The following RBM26 variants were observed in gnomAD, a reference collection of about 807,000 sequenced individuals.
RBM26 encodes RNA binding motif protein 26, also known as RNA-binding protein 26.
In RBM26, 30 loss-of-function variants were observed where a neutral mutation model predicts 123.6. The observed-to-expected ratio is 0.24, with a 90% confidence interval of 0.18 to 0.33. The LOEUF (loss-of-function observed/expected upper bound fraction) is 0.33, where lower values mean the gene tolerates loss of function less well. RBM26 is among the 10% of genes least tolerant of loss of function. RBM26 has a pLI of 1.00. For synonymous variants in RBM26, 400 were observed against 404.4 expected, an observed-to-expected ratio of 0.99 and a Z score of 0.13; for missense variants, 947 against 1,203.6, an observed-to-expected ratio of 0.79 and a Z score of 3.15.
At chr13:79,330,528 T>A (rs73562532) in intron 20 of RBM26, among the ~76,000 whole-genome samples, 4,123 of 152,200 alleles carry the variant, frequency 0.027, 190 homozygotes, top group African/African-American at 0.094. Flanking sequence ...AGAAACAGTG[T>A]TTTGCAAAAA....
At chr13:79,395,379 T>C (rs1444578084) in intron 1 of RBM26, among the ~76,000 whole-genome samples, 1 of 151,764 alleles carries the variant, frequency 6.6e-6, no homozygotes, top group Non-Finnish European at 1.5e-5. Context: ...AATGGGAAAA[T>C]CCAGAAATAA....
intron 1 of RBM26, among the ~76,000 whole-genome samples, chr13:79,395,119 C>A (rs146210668): frequency 1.3e-5 from 2 of 152,200 alleles, no homozygotes; most frequent in African/African-American, 4.8e-5. Flanking sequence ...TTACTTCAGT[C>A]TCTACAGTCC....
chr13:79,353,321 C>A, intron 13 of RBM26, 97 bp from the exon 14 acceptor site: 1 of 640,518 alleles, frequency 1.6e-6, no homozygotes. Context: ...TATACAGAGT[C>A]TATGAGTATA....
At chr13:79,397,575 G>A (rs1231491415) in intron 1 of RBM26, among the ~76,000 whole-genome samples, 6 of 148,746 alleles carry the variant, frequency 4.0e-5, no homozygotes, top group Non-Finnish European at 7.4e-5. Flanking sequence ...TCAGTTACTC[G>A]GAAGACTGAG....
In RBM26 at chr13:79,319,516, A is replaced by T. The variant is rs752178695; in HGVS notation, c.*1105T>A. The stretch of plus-strand genomic sequence containing the variant: ...AGTATAGGAAGTACACACTTAAAAT[A>T]TCAGACTGGAACACTTACCAAACAG... On this transcript the variant is annotated 3_prime_UTR_variant, in exon 22 of 22. Coordinates refer to ENST00000438737, the MANE Select transcript of RBM26 (RefSeq NM_001366735.2). 1.7e-3 allele frequency: 1,690 copies of T among 984,120 alleles called. 5 individuals are homozygous for T. Among genetic ancestry groups the T allele is most frequent in the Non-Finnish European group, 2.0e-3 (1,623 of 829,042 alleles). 61.0% of individuals were successfully genotyped at this position (984,120 alleles called of 1,614,324 possible).
At chr13:79,334,022 C>T (rs1197858083) in intron 20 of RBM26, among the ~76,000 whole-genome samples, 2 of 151,766 alleles carry the variant, frequency 1.3e-5, no homozygotes, top group East Asian at 3.9e-4. Context: ...TTTGGGTCAG[C>T]TGAAAAAAAA....
chr13:79,355,274 C>T lies in RBM26; in HGVS notation c.1800G>A (p.Lys600=). 1 of 1,614,000 alleles carries T rather than the reference C, an allele frequency of 6.2e-7. No homozygotes were observed. The highest frequency in any genetic ancestry group is 1.1e-5 in the South Asian group (1 of 91,066). ...TGCTTCCTTCTCTGTGCCAATAAAC[C>T]TTAATAAAGCGATTGTTTAATACTG... ...TEAVLNNRFI[K]VYWHREGSTQ... The change falls in exon 12 of 22, where the codon AAG becomes AAA. Residue 600 remains lysine, a synonymous_variant. Coordinates refer to ENST00000438737, the MANE Select transcript of RBM26 (RefSeq NM_001366735.2).
In RBM26 at chr13:79,330,039, A is replaced by G. The variant is rs139454086; in HGVS notation, c.2820+4305T>C. Among the ~76,000 whole-genome samples the G allele has an allele frequency of 3.7e-4, 57 of 152,336 alleles. No homozygotes were observed. In the East Asian group the frequency reaches 0.01, roughly 27 times the overall value. On this transcript the variant is annotated intron_variant, in intron 20 of 21. Transcript: ENST00000438737. The stretch of plus-strand genomic sequence containing the variant: ...GAGTGGGCAAGTTGTAGCGAGTGAA[A>G]TATAGATGAAATAAGATTGGCCCTA...
In RBM26 at chr13:79,325,184, G is replaced by A. The variant is rs956375951; in HGVS notation, c.2821-2722C>T. On this transcript the variant is annotated intron_variant, in intron 20 of 21. Coordinates refer to ENST00000438737, the MANE Select transcript of RBM26 (RefSeq NM_001366735.2). The stretch of plus-strand genomic sequence containing the variant: ...ATAATACTTGAATATGGTGGCAAAC[G>A]ACTGTTACTAGTTTACATATTTACT... 5.3e-5 allele frequency among the ~76,000 whole-genome samples: 8 copies of A among 152,052 alleles called. No individual in the cohort carries two copies. The East Asian group carries it at 7.7e-4, about 15-fold the overall frequency.
At chr13:79,329,723 T>C (rs1421268774) in intron 20 of RBM26, among the ~76,000 whole-genome samples, 1 of 152,130 alleles carries the variant, frequency 6.6e-6, no homozygotes, top group Non-Finnish European at 1.5e-5. Context: ...TCAAGCTATA[T>C]CAAAATATGA....
intron 1 of RBM26, among the ~76,000 whole-genome samples, chr13:79,391,426 T>G (rs916243593): frequency 6.6e-6 from 1 of 152,164 alleles, no homozygotes; most frequent in Non-Finnish European, 1.5e-5. Context: ...GCATTTCTTT[T>G]TGTGTGTGTG....
intron 5 of RBM26, among the ~76,000 whole-genome samples, chr13:79,370,209 G>T (rs986255475): frequency 6.6e-6 from 1 of 152,116 alleles, no homozygotes; most frequent in African/African-American, 2.4e-5. Context: ...CCAGCTACTT[G>T]GGAGGCTGAG....
At chr13:79,401,660 C>T (rs923779324) in intron 1 of RBM26, among the ~76,000 whole-genome samples, 4 of 152,288 alleles carry the variant, frequency 2.6e-5, no homozygotes, top group South Asian at 2.1e-4. Flanking sequence ...TGTGTTTAAT[C>T]AACCAATATC....
intron 14 of RBM26, 88 bp downstream of exon 14, chr13:79,353,065 T>G: frequency 1.4e-6 from 1 of 733,614 alleles, no homozygotes; most frequent in East Asian, 2.8e-5. Context: ...AAGCAAGAGT[T>G]TAGAACTATG....
intron 6 of RBM26, among the ~76,000 whole-genome samples, chr13:79,367,432 A>AAAAAAAAAAAAAAAT (rs1566476253): frequency 1.9e-4 from 8 of 42,788 alleles, no homozygotes; most frequent in Non-Finnish European, 3.7e-4. Context: ...AAAAAAAAAA[A>AAAAAAAAAAAAAAAT]GAAGAAGAAG....
intron 6 of RBM26, among the ~76,000 whole-genome samples, chr13:79,367,569 CTA>C (rs2075436764): frequency 6.6e-6 from 1 of 151,832 alleles, no homozygotes; most frequent in East Asian, 1.9e-4. Flanking sequence ...AGTTCGCCCT[CTA>C]TTAGTTCACA....
intron 20 of RBM26, among the ~76,000 whole-genome samples, chr13:79,332,148 A>G (rs2069537056): frequency 6.6e-6 from 1 of 152,224 alleles, no homozygotes; most frequent in South Asian, 2.1e-4. Context: ...TGGTCCAGAA[A>G]ACAAGAACAA....
chr13:79,342,887 A>C (rs2071651494), intron 16 of RBM26, 56 bp from the exon 17 acceptor site: 4 of 1,106,964 alleles, frequency 3.6e-6, no homozygotes, highest in South Asian at 1.5e-5. Context: ...TATCATTAAC[A>C]AAACAAACAC....
intron 2 of RBM26, among the ~76,000 whole-genome samples, chr13:79,377,799 T>C (rs1020845570): frequency 6.6e-5 from 10 of 151,750 alleles, no homozygotes; most frequent in Non-Finnish European, 1.3e-4. Context: ...TTCCAGATAC[T>C]AGGGAGGCTG....
Sources: gnomAD v4.1 joint callset for allele counts (sites outside exome capture counted in the v4.1 genomes callset) on GRCh38, gnomAD v4.1.1 for gene constraint, MANE v1.5 for transcripts, NCBI Gene and HGNC (gene_info 2026-07-23, HGNC 2026-07-21) for gene names.